The following FYB1 variants were observed in gnomAD, a reference collection of about 807,000 sequenced individuals.
The protein encoded by FYB1 is FYN-binding protein 1.
In FYB1, 41 loss-of-function variants were observed where a neutral mutation model predicts 94.1. The observed-to-expected ratio is 0.44, with a 90% CI of 0.34 to 0.57. The LOEUF (loss-of-function observed/expected upper bound fraction) is 0.57, where lower values mean the gene tolerates loss of function less well. FYB1 is among the 20% of genes least tolerant of loss of function. The pLI, the probability that FYB1 is intolerant of heterozygous loss-of-function variation, is 0.02. For synonymous variants in FYB1, 367 were observed against 353.2 expected, an observed-to-expected ratio of 1.04 and a Z score of -0.44; for missense variants, 1,050 against 976.8, an observed-to-expected ratio of 1.07 and a Z score of -1.00.
At chr5:39,134,528 T>C (rs926770650) in intron 8 of FYB1, among the ~76,000 whole-genome samples, 179 bp from the exon 9 acceptor site, 2 of 152,238 alleles carry the variant, frequency 1.3e-5, no homozygotes, top group African/African-American at 4.8e-5. Flanking sequence ...CAAAGTCTAA[T>C]CCTGTTGTAG....
At chr5:39,142,900 G>A (rs762436127) in intron 3 of FYB1, among the ~76,000 whole-genome samples, 8 of 152,110 alleles carry the variant, frequency 5.3e-5, no homozygotes, top group Non-Finnish European at 5.9e-5. Context: ...TCCTTTGTTT[G>A]TTTCCATGAG....
At chr5:39,231,163 A>C (rs75254411) in intron 1 of FYB1, among the ~76,000 whole-genome samples, 82,305 of 118,648 alleles carry the variant, frequency 0.69, 29,639 homozygotes, top group Non-Finnish European at 0.79. Context: ...AAAAAAAAAC[A>C]AAAAAAAACA....
At chr5:39,188,957 T>A (rs1455224425) in intron 2 of FYB1, among the ~76,000 whole-genome samples, 1 of 152,186 alleles carries the variant, frequency 6.6e-6, no homozygotes, top group Non-Finnish European at 1.5e-5. Flanking sequence ...TTGGGGACAT[T>A]CTTATGCAAC....
At chr5:39,172,866 T>G (rs184944560) in intron 2 of FYB1, among the ~76,000 whole-genome samples, 1 of 152,222 alleles carries the variant, frequency 6.6e-6, no homozygotes, top group Non-Finnish European at 1.5e-5. Context: ...GCACCTAGGT[T>G]AATTGCATGT....
At chr5:39,151,516 C>G (rs899077219) in intron 3 of FYB1, among the ~76,000 whole-genome samples, 1 of 152,186 alleles carries the variant, frequency 6.6e-6, no homozygotes, top group Non-Finnish European at 1.5e-5. Flanking sequence ...TCTCAAACTC[C>G]TGAGCTCAAG....
chr5:39,238,415 GA>G (rs958432881), intron 1 of FYB1, among the ~76,000 whole-genome samples: 4 of 151,802 alleles, frequency 2.6e-5, no homozygotes, highest in Non-Finnish European at 2.9e-5. Flanking sequence ...CACTCTAGGG[GA>G]AAAAAATCCC....
rs117770813 is a variant in FYB1 at position 39,178,910 on chromosome 5, C to T, written c.1135+22916G>A. Among the ~76,000 whole-genome samples, 816 of 152,288 alleles carry T rather than the reference C, an allele frequency of 5.4e-3. 7 individuals carry two copies. Among genetic ancestry groups the T allele is most frequent in the African/African-American group, 0.018 (753 of 41,552 alleles). The stretch of plus-strand genomic sequence containing the variant: ...AGGAAACGTATCATCTTGTCAAGCA[C>T]ATAGAAAACTGGCTGAGTTTGAAAA... On this transcript the variant is annotated intron_variant, in intron 2 of 18. Transcript: ENST00000512982.
At chr5:39,114,520 G>T (rs1231090056) in intron 16 of FYB1, among the ~76,000 whole-genome samples, 1 of 152,166 alleles carries the variant, frequency 6.6e-6, no homozygotes, top group Non-Finnish European at 1.5e-5. Flanking sequence ...ATGGATTAAA[G>T]AAGAATGGAG....
chr5:39,154,091 CA>C (rs1424170965), intron 2 of FYB1, among the ~76,000 whole-genome samples: 3 of 152,068 alleles, frequency 2.0e-5, no homozygotes, highest in Non-Finnish European at 4.4e-5. Context: ...CGGCCTTATT[CA>C]TCCTTTACAT....
chr5:39,264,524 C>T (rs1009858220), intron 1 of FYB1, among the ~76,000 whole-genome samples: 1 of 152,198 alleles, frequency 6.6e-6, no homozygotes, highest in Admixed American at 6.5e-5. Context: ...AAAGCCATCT[C>T]TTGTCACTCT....
intron 3 of FYB1, among the ~76,000 whole-genome samples, chr5:39,141,526 A>G (rs1742182439): frequency 6.6e-6 from 1 of 152,206 alleles, no homozygotes; most frequent in Non-Finnish European, 1.5e-5. Context: ...ACCATGGCTC[A>G]CACCTGTAAT....
intron 14 of FYB1, among the ~76,000 whole-genome samples, chr5:39,120,704 A>T (rs1411986206): frequency 6.6e-6 from 1 of 152,132 alleles, no homozygotes; most frequent in Non-Finnish European, 1.5e-5. Flanking sequence ...ATTAGAATAT[A>T]TTAATTTTTA....
At chr5:39,143,432 A>G (rs540463932) in intron 3 of FYB1, among the ~76,000 whole-genome samples, 5 of 146,616 alleles carry the variant, frequency 3.4e-5, no homozygotes, top group Admixed American at 6.6e-5. Context: ...CGCTAGACAC[A>G]AAAATAGGAT....
chr5:39,214,916 G>A (rs976163150), intron 1 of FYB1, among the ~76,000 whole-genome samples: 2 of 152,106 alleles, frequency 1.3e-5, no homozygotes, highest in Non-Finnish European at 2.9e-5. Context: ...GCAACAGAGC[G>A]AGATTCTGTG....
chr5:39,168,876 T>C (rs372959032), intron 2 of FYB1, among the ~76,000 whole-genome samples: 2 of 152,148 alleles, frequency 1.3e-5, no homozygotes, highest in East Asian at 1.9e-4. Flanking sequence ...GTTTCCCTGA[T>C]TGTAACCCAT....
At chr5:39,131,512 G>A (rs1035058076) in intron 9 of FYB1, among the ~76,000 whole-genome samples, 2 of 152,196 alleles carry the variant, frequency 1.3e-5, no homozygotes, top group Non-Finnish European at 1.5e-5. Flanking sequence ...TTAAAAGTGG[G>A]TGAAAGAAAT....
At chr5:39,252,105 A>C (rs1398852924) in intron 1 of FYB1, among the ~76,000 whole-genome samples, 3 of 152,206 alleles carry the variant, frequency 2.0e-5, no homozygotes, top group Non-Finnish European at 4.4e-5. Context: ...AGATCGCGCC[A>C]CTGGACTCCA....
Position 39,154,853 on chromosome 5 carries a change from A to G in FYB1, c.1136-1249T>C, listed in dbSNP as rs148106877. ...GTAATCCACCCGCCTTGTCCTCCCA[A>G]AGTGCTGGGATTACAAGCGTGAGCC... On this transcript the variant is annotated intron_variant, in intron 2 of 18. Coordinates refer to ENST00000512982, the MANE Select transcript of FYB1 (RefSeq NM_001465.6). Among the ~76,000 whole-genome samples, 282 of 152,152 alleles carry G rather than the reference A, an allele frequency of 1.9e-3. 1 individual carries two copies. Among genetic ancestry groups the G allele is most frequent in the African/African-American group, 6.6e-3 (272 of 41,500 alleles).
At chr5:39,234,162 G>A (rs1750861238) in intron 1 of FYB1, among the ~76,000 whole-genome samples, 1 of 152,074 alleles carries the variant, frequency 6.6e-6, no homozygotes, top group African/African-American at 2.4e-5. Context: ...CAGCACATAT[G>A]TCAGGAAGGC....
Sources: allele counts gnomAD v4.1 joint callset (sites outside exome capture counted in the v4.1 genomes callset), GRCh38; gene constraint gnomAD v4.1.1; transcripts MANE v1.5; gene names NCBI Gene and HGNC (gene_info 2026-07-23, HGNC 2026-07-21).